The following CFAP276 variants were observed in gnomAD, a reference collection of about 807,000 sequenced individuals.
The protein encoded by CFAP276 is cilia- and flagella-associated protein 276.
chr1:109,109,448 C>CA, the CFAP276 span, among the ~76,000 whole-genome samples: 2 of 144,812 alleles, frequency 1.4e-5, no homozygotes, highest in Non-Finnish European at 3.0e-5. Flanking sequence ...GACTCTGTCT[C>CA]AAAAAAAATA....
chr1:109,105,999 A>C, the CFAP276 span: 2 of 1,576,304 alleles, frequency 1.3e-6, no homozygotes, highest in Non-Finnish European at 1.7e-6. Flanking sequence ...AGTATGTTTC[A>C]CTATAATTAG....
the CFAP276 span, among the ~76,000 whole-genome samples, chr1:109,109,533 C>CTTTTTT: frequency 2.6e-5 from 3 of 114,968 alleles, no homozygotes; most frequent in African/African-American, 7.7e-5. Flanking sequence ...TGAGCCATAC[C>CTTTTTT]TTTTTTTTTT....
At chr1:109,107,142 C>T in the CFAP276 span, 5 of 1,594,734 alleles carry the variant, frequency 3.1e-6, no homozygotes, top group African/African-American at 1.3e-5. Context: ...TCAGTCCCCC[C>T]CAAGGTTAGC....
the CFAP276 span, chr1:109,112,631 C>A: frequency 6.4e-7 from 1 of 1,550,536 alleles, no homozygotes; most frequent in Non-Finnish European, 8.7e-7. Flanking sequence ...AAGTAGGAAT[C>A]ATCGTTATCT....
chr1:109,105,972 T>G, the CFAP276 span: 1 of 1,400,102 alleles, frequency 7.1e-7, no homozygotes, highest in Non-Finnish European at 1.0e-6. Flanking sequence ...CAAATCTATT[T>G]AATGGAAGTG....
At chr1:109,110,428 G>A in the CFAP276 span, among the ~76,000 whole-genome samples, 1 of 152,154 alleles carries the variant, frequency 6.6e-6, no homozygotes, top group African/African-American at 2.4e-5. Context: ...AGGTCAGGTG[G>A]ATCCTTTCCA....
the CFAP276 span, among the ~76,000 whole-genome samples, chr1:109,110,163 T>C: frequency 6.6e-6 from 1 of 152,120 alleles, no homozygotes; most frequent in Non-Finnish European, 1.5e-5. Context: ...AGACCCACCC[T>C]TCCCTGGTCT....
chr1:109,113,455 A>AGAGAGGGAGT, the CFAP276 span, among the ~76,000 whole-genome samples: 1 of 141,390 alleles, frequency 7.1e-6, no homozygotes, highest in South Asian at 2.5e-4. Flanking sequence ...AGAGAGAGAG[A>AGAGAGGGAGT]GAGAGAGAGA....
the CFAP276 span, chr1:109,112,775 C>T: frequency 6.7e-7 from 1 of 1,499,302 alleles, no homozygotes; most frequent in Non-Finnish European, 8.9e-7. Context: ...TTGTTTGGAG[C>T]GCTGGTTTCG....
chr1:109,110,815 A>G, the CFAP276 span, among the ~76,000 whole-genome samples: 1 of 152,106 alleles, frequency 6.6e-6, no homozygotes, highest in South Asian at 2.1e-4. Context: ...AAACATCTAC[A>G]TAGTTGATGT....
the CFAP276 span, chr1:109,113,824 T>G: frequency 1.2e-6 from 1 of 840,786 alleles, no homozygotes; most frequent in Non-Finnish European, 1.8e-6. Flanking sequence ...GCCCCGGGCC[T>G]GCCTGTTGGG....
the CFAP276 span, among the ~76,000 whole-genome samples, chr1:109,112,270 T>C: frequency 6.6e-6 from 1 of 152,184 alleles, no homozygotes; most frequent in Admixed American, 6.5e-5. Context: ...CCATATCTCA[T>C]TTCTCTTCAG....
the CFAP276 span, among the ~76,000 whole-genome samples, chr1:109,108,490 T>C: frequency 6.6e-6 from 1 of 152,084 alleles, no homozygotes; most frequent in Admixed American, 6.6e-5. Context: ...AGAAGAATGG[T>C]ATGGGGCAAG....
the CFAP276 span, among the ~76,000 whole-genome samples, chr1:109,109,667 G>A: frequency 1.9e-3 from 292 of 150,100 alleles, 1 homozygote; most frequent in Non-Finnish European, 3.5e-3. Context: ...CTCCCGAATA[G>A]CTAGGATTAC....
At chr1:109,113,588 G>T in the CFAP276 span, 7 of 1,599,508 alleles carry the variant, frequency 4.4e-6, no homozygotes, top group South Asian at 7.7e-5. Context: ...GATTTGGCGG[G>T]ATGTAAGATC....
chr1:109,111,513 A>G, the CFAP276 span, among the ~76,000 whole-genome samples: 2 of 151,052 alleles, frequency 1.3e-5, no homozygotes, highest in Admixed American at 6.6e-5. Context: ...TCACATCCCT[A>G]GGATGAAACC....
the CFAP276 span, chr1:109,106,122 G>A: frequency 6.3e-7 from 1 of 1,592,930 alleles, no homozygotes; most frequent in Non-Finnish European, 8.6e-7. Context: ...AGAAGAGGAA[G>A]TGGACTGAAT....
At chr1:109,106,477 T>C in the CFAP276 span, 1 of 1,579,296 alleles carries the variant, frequency 6.3e-7, no homozygotes, top group South Asian at 1.1e-5. Context: ...GATTCATGGG[T>C]CCATTTAGAA....
the CFAP276 span, chr1:109,112,803 C>A: frequency 6.9e-7 from 1 of 1,457,678 alleles, no homozygotes; most frequent in South Asian, 1.4e-5. Flanking sequence ...GGCAACTGCC[C>A]AGCCATCTAT....
Sources: allele counts gnomAD v4.1 joint callset (sites outside exome capture counted in the v4.1 genomes callset), GRCh38; gene constraint gnomAD v4.1.1; transcripts MANE v1.5; gene names NCBI Gene and HGNC (gene_info 2026-07-23, HGNC 2026-07-21).